TEX9: variants seen among roughly 807,000 people sequenced by gnomAD.
TEX9 encodes the protein testis expressed 9.
A neutral mutation model predicts 59.6 loss-of-function variants in TEX9; 74 were observed. That is an observed-to-expected ratio of 1.24 (90% CI 1.03 to 1.51). The LOEUF (loss-of-function observed/expected upper bound fraction) is 1.51, where lower values mean the gene tolerates loss of function less well. Among genes scored for constraint, TEX9 ranks in the 40% most tolerant of loss-of-function variants. The pLI, the probability that TEX9 is intolerant of heterozygous loss-of-function variation, is 0.00. For synonymous variants in TEX9, 186 were observed against 152.2 expected (o/e 1.22, Z -1.64); for missense variants, 522 against 447.8 (o/e 1.17, Z -1.49).
chr15:56,324,765 T>C (rs996488940), intron 1 of TEX9, among the ~76,000 whole-genome samples: 5 of 152,230 alleles, frequency 3.3e-5, no homozygotes, highest in African/African-American at 1.2e-4. Context: ...TAAGTCATGA[T>C]GCATCTGCCT....
chr15:56,325,203 A>G (rs929306198), intron 1 of TEX9, among the ~76,000 whole-genome samples: 1 of 152,216 alleles, frequency 6.6e-6, no homozygotes, highest in Non-Finnish European at 1.5e-5. Context: ...ATAGAATCAT[A>G]TAGTCCGCTT....
At chr15:56,416,040 A>G (rs995299049) in intron 10 of TEX9, among the ~76,000 whole-genome samples, 10 of 151,692 alleles carry the variant, frequency 6.6e-5, no homozygotes, top group African/African-American at 2.2e-4. Flanking sequence ...TGTTGTTAGT[A>G]TATAGGAATG....
At chr15:56,314,296 A>T in intron 1 of TEX9, among the ~76,000 whole-genome samples, 2 of 67,604 alleles carry the variant, frequency 3.0e-5, no homozygotes, top group African/African-American at 5.0e-5. Context: ...TAGTGCTATA[A>T]ATTTCCCTCT....
chr15:56,413,142 G>C (rs2049447989), intron 10 of TEX9, among the ~76,000 whole-genome samples: 1 of 74,508 alleles, frequency 1.3e-5, no homozygotes, highest in Non-Finnish European at 3.5e-5. Context: ...ACCTGAAAGG[G>C]TAATAAGTGA....
chr15:56,407,202 T>G (rs568372917), intron 9 of TEX9, among the ~76,000 whole-genome samples: 2 of 152,288 alleles, frequency 1.3e-5, no homozygotes, highest in East Asian at 3.9e-4. Flanking sequence ...AATACAGTTC[T>G]TTCCTCATTT....
chr15:56,284,719 A>C (rs565676950), intron 1 of TEX9, among the ~76,000 whole-genome samples: 1 of 151,906 alleles, frequency 6.6e-6, no homozygotes, highest in Non-Finnish European at 1.5e-5. Context: ...TGCTGTAGCT[A>C]TTTCACTTTC....
At chr15:56,401,205 A>G (rs1240607729) in intron 9 of TEX9, among the ~76,000 whole-genome samples, 1 of 151,560 alleles carries the variant, frequency 6.6e-6, no homozygotes, top group Admixed American at 6.6e-5. Context: ...TATAGAGTCA[A>G]GACCCATCAG....
chr15:56,391,349 C>T, exon 7 of TEX9: 1 of 1,600,654 alleles, frequency 6.2e-7, no homozygotes, highest in Non-Finnish European at 8.5e-7. Context: ...TGAAGGGCAA[C>T]TGGAGGAAGA....
At chr15:56,446,531 A>G (rs1176554642), downstream of TEX9, among the ~76,000 whole-genome samples, 2 of 152,032 alleles carry the variant, frequency 1.3e-5, no homozygotes, top group Admixed American at 6.5e-5. Flanking sequence ...ACATTCTAAA[A>G]TACACTTATC....
chr15:56,448,776 C>T (rs2050926915), downstream of TEX9, among the ~76,000 whole-genome samples: 4 of 125,966 alleles, frequency 3.2e-5, no homozygotes, highest in East Asian at 2.3e-4. Context: ...TTTTTGGAGA[C>T]GGAGTCTCGC....
chr15:56,301,816 A>C (rs1358898931), intron 1 of TEX9, among the ~76,000 whole-genome samples: 1 of 152,228 alleles, frequency 6.6e-6, no homozygotes, highest in Admixed American at 6.5e-5. Context: ...ATCTGAAAGA[A>C]AAGGACATTA....
At chr15:56,337,317 G>A (rs1306831567) in intron 1 of TEX9, among the ~76,000 whole-genome samples, 1 of 152,134 alleles carries the variant, frequency 6.6e-6, no homozygotes, top group Non-Finnish European at 1.5e-5. Context: ...TGACCCTCTA[G>A]TTACCACATC....
At position 56,393,385 on chromosome 15, in the gene TEX9, G is replaced by C. The variant is rs1035525155; in HGVS notation, c.572-780G>C. On this transcript the variant is annotated intron_variant, in intron 7 of 12. Coordinates refer to ENST00000352903, the Ensembl canonical transcript of TEX9. The stretch of plus-strand genomic sequence containing the variant: ...AAAAGCTGGAAGTGTGTATGGAGAT[G>C]TTTTATGCTCTGCACGTCACATGTG... Among the ~76,000 whole-genome samples, 3 of 152,136 alleles carry C rather than the reference G, an allele frequency of 2.0e-5. No individual in the cohort carries two copies. In the South Asian group the frequency reaches 6.2e-4, roughly 32 times the overall value.
intron 10 of TEX9, among the ~76,000 whole-genome samples, chr15:56,427,296 T>G (rs1384348786): frequency 6.6e-6 from 1 of 152,176 alleles, no homozygotes; most frequent in African/African-American, 2.4e-5. Context: ...TTTTAAAATG[T>G]TTTCAAATAT....
chr15:56,349,950 C>A (rs148425781), intron 1 of TEX9, among the ~76,000 whole-genome samples: 2 of 152,162 alleles, frequency 1.3e-5, no homozygotes, highest in South Asian at 2.1e-4. Flanking sequence ...TGTCAAGAAT[C>A]GGTTAAGACT....
At chr15:56,261,547 A>T (rs778613847) in intron 1 of TEX9, among the ~76,000 whole-genome samples, 1 of 151,964 alleles carries the variant, frequency 6.6e-6, no homozygotes, top group Non-Finnish European at 1.5e-5. Context: ...GCGAAACCTC[A>T]TCTCTACTAA....
In TEX9 at chr15:56,373,490, G is replaced by C. The variant is rs201568738; in HGVS notation, c.169G>C (p.Ala57Pro). 9.6e-6 allele frequency: 15 copies of C among 1,570,362 alleles called. No homozygotes were observed. The East Asian group carries it at 3.3e-4, about 34-fold the overall frequency. Residue 57 changes from alanine to proline, a missense_variant, in exon 3 of 13, where the codon GCT becomes CCT. Ala to Pro is a conservative substitution (Grantham distance 27). Coordinates refer to ENST00000352903, the Ensembl canonical transcript of TEX9. ...AAAAACAGCTGACGTGGTTCAACAAGCTAAGGAAATAATAGTAAGTATATG... is the reference window on the plus strand; with the variant it reads ...AAAAACAGCTGACGTGGTTCAACAACCTAAGGAAATAATAGTAAGTATATG...
At chr15:56,420,077 T>C (rs1164777655) in intron 10 of TEX9, among the ~76,000 whole-genome samples, 2 of 151,856 alleles carry the variant, frequency 1.3e-5, no homozygotes, top group Non-Finnish European at 2.9e-5. Flanking sequence ...ACTAGTTCCT[T>C]ATTGTCCTCT....
intron 1 of TEX9, among the ~76,000 whole-genome samples, chr15:56,303,917 G>C (rs1430575947): frequency 6.6e-6 from 1 of 152,148 alleles, no homozygotes; most frequent in Non-Finnish European, 1.5e-5. Flanking sequence ...TAACTTTCTA[G>C]TCACATACAA....
Sources: allele counts gnomAD v4.1 joint callset (sites outside exome capture counted in the v4.1 genomes callset), GRCh38; gene constraint gnomAD v4.1.1; transcripts MANE v1.5; gene names NCBI Gene and HGNC (gene_info 2026-07-23, HGNC 2026-07-21).